The following PPFIA4 variants were observed in gnomAD, a reference collection of about 807,000 sequenced individuals.
The protein encoded by PPFIA4 is liprin-alpha-4.
A neutral mutation model predicts 145.7 loss-of-function variants in PPFIA4; 98 were observed. The ratio of observed to expected loss-of-function variants is 0.67; its 90% confidence interval spans 0.57 to 0.80. The LOEUF is 0.80. PPFIA4 is among the 30% of genes least tolerant of loss of function. The pLI, the probability that PPFIA4 is intolerant of heterozygous loss-of-function variation, is 0.00. For missense variants in PPFIA4, 1,457 were observed against 1,632.7 expected (o/e 0.89, Z 1.85); for synonymous variants, 628 against 649.6 (o/e 0.97, Z 0.51).
Position 203,060,180 on chromosome 1 carries a change from A to G in PPFIA4, c.2584-37A>G. 3 of 1,605,594 alleles carry G rather than the reference A, an allele frequency of 1.9e-6. No homozygotes were observed. Among genetic ancestry groups the G allele is most frequent in the Non-Finnish European group, 2.6e-6 (3 of 1,175,466 alleles). ...TGCCAAACTCTTGGTGGTAGGGCCC[A>G]GGCCTTGAATTACCTCCCTGTGCCC... On this transcript the variant is annotated intron_variant, in intron 21 of 29. Transcript: ENST00000295706. This position sits in a 1 kb window ranked among gnomAD's most constrained non-coding sequence, Gnocchi z 4.8.
At chr1:203,059,923 G>A in intron 21 of PPFIA4, 72 bp downstream of exon 21, 2 of 1,270,380 alleles carry the variant, frequency 1.6e-6, no homozygotes, top group Non-Finnish European at 2.2e-6. Flanking sequence ...GAGGGGTGGT[G>A]TCCTAGAACT....
chr1:203,038,640 G>A lies in PPFIA4; in HGVS notation c.-369G>A, dbSNP rs1659473426. 1.8e-5 allele frequency: 3 copies of A among 166,872 alleles called. No individual in the cohort carries two copies. The highest frequency in any genetic ancestry group is 1.6e-4 in the South Asian group (1 of 6,348). 10.3% of individuals were successfully genotyped at this position (166,872 alleles called of 1,614,324 possible). A position where few individuals can be genotyped will look rare whatever the true frequency, so the allele number is the denominator to read the frequency against. ...CTGCCCTCCAGAAACGATGGGTGTC[G>A]CTAGATCCAGCTGGGACTCTGCCAG... On this transcript the variant is annotated 5_prime_UTR_variant, in exon 2 of 30. Transcript: ENST00000295706.
chr1:203,039,105 A>C lies in PPFIA4; in HGVS notation c.97A>C (p.Met33Leu). The change falls in exon 2 of 30, where the codon ATG becomes CTG. Residue 33 changes from methionine (M) to leucine (L), a missense_variant. By Grantham distance (15) the Met-to-Leu change is conservative. This residue lies in a region of PPFIA4 where 463 missense variants were observed against 459.8 expected (regional missense o/e 1.01). Transcript: ENST00000295706. ...CAACTTCGAGCAGCTGATGGTGAAC[A>C]TGCTGGACGAGCGGGAGAAGTTGCT... ...DANFEQLMVN[M>L]LDEREKLLES... 6.2e-7 allele frequency: 1 copy of C among 1,608,296 alleles called. No homozygotes were observed. Among genetic ancestry groups the C allele is most frequent in the Non-Finnish European group, 8.5e-7 (1 of 1,177,784 alleles).
In PPFIA4 at chr1:203,055,995, T is replaced by C; in HGVS notation, c.2071-125T>C. The C allele has an allele frequency of 1.0e-6, 1 of 952,706 alleles. No homozygotes were observed. The highest frequency in any genetic ancestry group is 1.6e-6 in the Non-Finnish European group (1 of 643,902). The allele number at this position is 952,706 out of a possible 1,614,324, so 59.0% of individuals were successfully genotyped here. A position where few individuals can be genotyped will look rare whatever the true frequency, so the allele number is the denominator to read the frequency against. On this transcript the variant is annotated intron_variant, in intron 16 of 29. Transcript: ENST00000295706. The surrounding 1 kb of genome is among the most constrained non-coding windows in gnomAD (Gnocchi z 4.8). ...TTTTTTTTTTTTTCTGGCGTGATAT[T>C]CTCTCCGGGCCTGTGTGAGGCACTG... is the stretch of plus-strand genomic sequence containing the variant.
intron 23 of PPFIA4, chr1:203,061,419 T>C (rs1661344309): frequency 1.9e-6 from 1 of 522,430 alleles, no homozygotes; most frequent in Non-Finnish European, 3.4e-6. Flanking sequence ...TGGCTCCCAG[T>C]CAAGCCTGGG....
At chr1:203,064,488 T>C (rs1364813045) in intron 25 of PPFIA4, among the ~76,000 whole-genome samples, 5 of 152,142 alleles carry the variant, frequency 3.3e-5, no homozygotes, top group African/African-American at 9.7e-5. Context: ...TCCCTTTTTA[T>C]AGGATATCAT....
chr1:203,055,191 A>G lies in PPFIA4; in HGVS notation c.1830-241A>G, dbSNP rs985419469. ...GGGTATGTCAAGAATTCTGATTTTC[A>G]GGATGGTTTATGTTCCACTGACGAA... On this transcript the variant is annotated intron_variant, in intron 15 of 29. Transcript: ENST00000295706. This position sits in a 1 kb window ranked among gnomAD's most constrained non-coding sequence, Gnocchi z 4.8. 2.0e-5 allele frequency among the ~76,000 whole-genome samples: 3 copies of G among 152,240 alleles called. No homozygotes were observed. Among genetic ancestry groups the G allele is most frequent in the African/African-American group, 7.2e-5 (3 of 41,460 alleles).
Position 203,055,217 on chromosome 1 carries a change from A to G in PPFIA4, c.1830-215A>G, listed in dbSNP as rs924111130. Reference sequence around the variant, plus strand: ...GGATGGTTTATGTTCCACTGACGAAAGTGCCTCCTTCCCCAGCAGCTGCTT... The same window carrying G: ...GGATGGTTTATGTTCCACTGACGAAGGTGCCTCCTTCCCCAGCAGCTGCTT... On this transcript the variant is annotated intron_variant, in intron 15 of 29. Transcript: ENST00000295706. The surrounding 1 kb of genome is among the most constrained non-coding windows in gnomAD (Gnocchi z 4.8). Among the ~76,000 whole-genome samples the G allele has an allele frequency of 6.6e-6, 1 of 152,246 alleles. No individual in the cohort carries two copies. Among genetic ancestry groups the G allele is most frequent in the Non-Finnish European group, 1.5e-5 (1 of 68,052 alleles).
At chr1:203,056,043 A>C in intron 16 of PPFIA4, 77 bp from the exon 17 acceptor site, 2 of 1,467,238 alleles carry the variant, frequency 1.4e-6, no homozygotes, top group Non-Finnish European at 1.9e-6. Flanking sequence ...TCATCCTAAG[A>C]CCACTGGGCT....
At chr1:203,041,692 G>A (rs538574574) in intron 2 of PPFIA4, among the ~76,000 whole-genome samples, 1 of 152,302 alleles carries the variant, frequency 6.6e-6, no homozygotes, top group South Asian at 2.1e-4. Context: ...GGTGGGGGGA[G>A]ATAAGACAGC....
At chr1:203,042,886 G>A (rs558047422) in intron 2 of PPFIA4, among the ~76,000 whole-genome samples, 161 of 152,254 alleles carry the variant, frequency 1.1e-3, no homozygotes, top group African/African-American at 3.6e-3. Flanking sequence ...TGATCTGCCC[G>A]GCTCAGCCTC....
rs80171673 is a variant in PPFIA4, at chr1:203,045,755, A to G, written c.859-86A>G. On this transcript the variant is annotated intron_variant, in intron 7 of 29. Coordinates refer to ENST00000295706, the MANE Select transcript of PPFIA4 (RefSeq NM_001304331.2). ...AGCTCATGCCCCTTAATGGGTTCCAATCAGCCAGGTGTGGGTGGGGAGGTG... is the reference window on the plus strand; with the variant it reads ...AGCTCATGCCCCTTAATGGGTTCCAGTCAGCCAGGTGTGGGTGGGGAGGTG... 3.0e-3 allele frequency: 4,849 copies of G among 1,592,104 alleles called. 115 individuals carry two copies. The African/African-American group carries it at 0.049, about 16-fold the overall frequency.
At chr1:203,057,645 TAGTAAC>T (rs1361655517) in intron 19 of PPFIA4, among the ~76,000 whole-genome samples, 1 of 152,240 alleles carries the variant, frequency 6.6e-6, no homozygotes, top group Non-Finnish European at 1.5e-5. Context: ...CTGTATGTCT[TAGTAAC>T]AGGTGCTGAC....
In PPFIA4 at chr1:203,070,706, G is replaced by A. The variant is rs143626473; in HGVS notation, c.3325-986G>A. Among the ~76,000 whole-genome samples, 460 of 152,066 alleles carry A rather than the reference G, an allele frequency of 3.0e-3. 4 individuals carry two copies. The highest frequency in any genetic ancestry group is 0.011 in the African/African-American group (448 of 41,468). On this transcript the variant is annotated intron_variant, in intron 27 of 29. Coordinates refer to ENST00000295706, the MANE Select transcript of PPFIA4 (RefSeq NM_001304331.2). The stretch of plus-strand genomic sequence containing the variant: ...CTCCTGGGAGGCCTAGAGAGAGTCT[G>A]TATGCACACAGCCCAGGGACAACCA...
rs1661254493 is a variant in PPFIA4 at position 203,060,082 on chromosome 1, G to A, written c.2584-135G>A. On this transcript the variant is annotated intron_variant, in intron 21 of 29. Coordinates refer to ENST00000295706, the MANE Select transcript of PPFIA4 (RefSeq NM_001304331.2). The surrounding 1 kb of genome is among the most constrained non-coding windows in gnomAD (Gnocchi z 4.8). ...AAAATGGGAGAGTGAGGGGTTTGATGACCGCCACATTCCTATGATCTGTAT... is the reference window on the plus strand; with the variant it reads ...AAAATGGGAGAGTGAGGGGTTTGATAACCGCCACATTCCTATGATCTGTAT... 2.3e-6 allele frequency: 2 copies of A among 863,952 alleles called. No individual in the cohort carries two copies. The highest frequency in any genetic ancestry group is 4.5e-5 in the Admixed American group (2 of 43,960). The allele number at this position is 863,952 out of a possible 1,614,324, so 53.5% of individuals were successfully genotyped here.
At position 203,060,226 on chromosome 1, in the gene PPFIA4, G is replaced by A. The variant is rs1558092464; in HGVS notation, c.2593G>A (p.Gly865Arg). 3.1e-6 allele frequency: 5 copies of A among 1,613,902 alleles called. No individual in the cohort carries two copies. The highest frequency in any genetic ancestry group is 3.4e-6 in the Non-Finnish European group (4 of 1,179,954). The change falls in exon 22 of 30, where the codon GGG becomes AGG. Residue 865 changes from glycine to arginine, a missense_variant. Coordinates refer to ENST00000295706, the MANE Select transcript of PPFIA4 (RefSeq NM_001304331.2). The surrounding 1 kb of genome is among the most constrained non-coding windows in gnomAD (Gnocchi z 4.8). ...TVVSWLELWV[G>R]MPAWYVAACR... The stretch of plus-strand genomic sequence containing the variant: ...TGCCCGGTGTCTGCAGCTCTGGGTG[G>A]GGATGCCTGCCTGGTATGTGGCAGC...
At chr1:203,050,500 CAA>C (rs903003117) in intron 13 of PPFIA4, among the ~76,000 whole-genome samples, 7 of 152,180 alleles carry the variant, frequency 4.6e-5, no homozygotes, top group Non-Finnish European at 1.0e-4. Flanking sequence ...CTCTCCAAAC[CAA>C]AGTCTCTTAG....
chr1:203,071,638 G>T (rs1477691636), intron 27 of PPFIA4, 54 bp from the exon 28 acceptor site: 16 of 1,360,648 alleles, frequency 1.2e-5, no homozygotes, highest in Admixed American at 5.5e-5. Context: ...ATGGCATAAA[G>T]GTAGTTAACT....
chr1:203,047,876 G>A (rs1467714032), intron 9 of PPFIA4, among the ~76,000 whole-genome samples: 1 of 152,222 alleles, frequency 6.6e-6, no homozygotes, highest in African/African-American at 2.4e-5. Flanking sequence ...CTTCAGTGTG[G>A]TTCTATCCAT....
Sources: gnomAD v4.1 joint callset for allele counts (sites outside exome capture counted in the v4.1 genomes callset) on GRCh38, gnomAD v4.1.1 for gene constraint, gnomAD v4.1.1 regional missense constraint, Gnocchi (gnomAD v3.1) non-coding constraint, MANE v1.5 for transcripts, NCBI Gene and HGNC (gene_info 2026-07-23, HGNC 2026-07-21) for gene names.